Variants in GABRR2 observed in about 807,000 individuals in gnomAD.
The protein encoded by GABRR2 is gamma-aminobutyric acid type A receptor subunit rho2.
Under a neutral mutation model 47.0 loss-of-function variants are expected in GABRR2, and 36 were observed. The observed-to-expected ratio is 0.77, with a 90% confidence interval of 0.59 to 1.01. GABRR2 has a LOEUF of 1.01. Among genes scored for constraint, GABRR2 ranks in the 50% least tolerant of loss-of-function variants. The pLI is 0.00. For missense variants in GABRR2, 587 were observed against 594.6 expected, an observed-to-expected ratio of 0.99 and a Z score of 0.13; for synonymous variants, 204 against 227.5, an observed-to-expected ratio of 0.90 and a Z score of 0.93.
At chr6:89,278,403 C>T (rs1774202940) in intron 2 of GABRR2, among the ~76,000 whole-genome samples, 1 of 152,164 alleles carries the variant, frequency 6.6e-6, no homozygotes, top group Non-Finnish European at 1.5e-5. Flanking sequence ...ACTTGTTTAG[C>T]GTCCTTTTCT....
intron 2 of GABRR2, among the ~76,000 whole-genome samples, chr6:89,286,311 C>G (rs1460162056): frequency 1.3e-5 from 2 of 152,106 alleles, no homozygotes; most frequent in Non-Finnish European, 2.9e-5. Flanking sequence ...TTCAGTTACG[C>G]AAGGTGAGTA....
At chr6:89,275,207 C>A (rs1206699212) in intron 2 of GABRR2, among the ~76,000 whole-genome samples, 1 of 152,092 alleles carries the variant, frequency 6.6e-6, no homozygotes, top group African/African-American at 2.4e-5. Context: ...CCAGTAATAG[C>A]AAGCTAAGTA....
At chr6:89,262,279 C>T (rs138576577) in intron 8 of GABRR2, among the ~76,000 whole-genome samples, 9 of 152,262 alleles carry the variant, frequency 5.9e-5, no homozygotes, top group East Asian at 1.9e-4. Flanking sequence ...GTTAAGTCTC[C>T]GCCCCAGGGT....
At position 89,276,270 on chromosome 6, in the gene GABRR2, T is replaced by A. The variant is rs182104396; in HGVS notation, c.221-4548A>T. ...AAACAGATCCATAGGGGTCTTTGGA[T>A]ACTGAAATAAGATAGACTTTAAAAT... is the stretch of plus-strand genomic sequence containing the variant. On this transcript the variant is annotated intron_variant, in intron 2 of 8. Transcript: ENST00000402938. Among the ~76,000 whole-genome samples the A allele has an allele frequency of 3.6e-3, 542 of 151,416 alleles. 3 individuals carry two copies. Among genetic ancestry groups the A allele is most frequent in the African/African-American group, 0.011 (471 of 41,454 alleles).
At chr6:89,303,205 C>T (rs1455002039) in intron 1 of GABRR2, 8 of 375,688 alleles carry the variant, frequency 2.1e-5, no homozygotes, top group Admixed American at 1.5e-4. Context: ...TCGACACTGT[C>T]CCCAGCTTTC....
rs114409417 is a variant in GABRR2 at position 89,281,057 on chromosome 6, C to T, written c.221-9335G>A. Reference sequence around the variant, plus strand: ...GGTCACGATATTTAAAGAAATAGATCCACATCAGAGATGAATTTGAATAAG... The same window carrying T: ...GGTCACGATATTTAAAGAAATAGATTCACATCAGAGATGAATTTGAATAAG... On this transcript the variant is annotated intron_variant, in intron 2 of 8. Coordinates refer to ENST00000402938, the MANE Select transcript of GABRR2 (RefSeq NM_002043.5). Among the ~76,000 whole-genome samples the T allele has an allele frequency of 2.9e-3, 444 of 152,348 alleles. 1 individual carries two copies. The highest frequency in any genetic ancestry group is 0.01 in the African/African-American group (429 of 41,578).
intron 2 of GABRR2, among the ~76,000 whole-genome samples, chr6:89,290,470 T>G (rs1774417118): frequency 6.6e-6 from 1 of 152,172 alleles, no homozygotes; most frequent in Admixed American, 6.5e-5. Context: ...AAAAGAGGCA[T>G]GCACAGGCCC....
chr6:89,289,799 C>T (rs1024601883), intron 2 of GABRR2, among the ~76,000 whole-genome samples: 3 of 152,214 alleles, frequency 2.0e-5, no homozygotes, highest in African/African-American at 7.2e-5. Flanking sequence ...AAAAGAAGTA[C>T]ATTTAGCTCA....
At chr6:89,259,772 G>C (rs1445083701) in intron 8 of GABRR2, among the ~76,000 whole-genome samples, 1 of 151,970 alleles carries the variant, frequency 6.6e-6, no homozygotes, top group African/African-American at 2.4e-5. Flanking sequence ...CTGAAGTGCT[G>C]GGATTACAGG....
rs117386239 is a variant in GABRR2 at position 89,302,278 on chromosome 6, C to T, written c.114-2413G>A. On this transcript the variant is annotated intron_variant, in intron 1 of 8. Transcript: ENST00000402938. ...ATCCCAACTGCATCATGAACACCTTCAGCGTAGTGCCCTCGCCCAAGGTGT... is the reference window on the plus strand; with the variant it reads ...ATCCCAACTGCATCATGAACACCTTTAGCGTAGTGCCCTCGCCCAAGGTGT... The T allele has an allele frequency of 8.8e-5, 50 of 566,188 alleles. No individual in the cohort carries two copies. The East Asian group carries it at 2.3e-3, about 26-fold the overall frequency. 35.1% of individuals were successfully genotyped at this position (566,188 alleles called of 1,614,324 possible).
intron 4 of GABRR2, among the ~76,000 whole-genome samples, 194 bp downstream of exon 4, chr6:89,268,817 C>A (rs536484497): frequency 6.6e-6 from 1 of 152,164 alleles, no homozygotes; most frequent in African/African-American, 2.4e-5. Context: ...AAGCTTAAGA[C>A]CCCCAGTGAT....
intron 2 of GABRR2, among the ~76,000 whole-genome samples, chr6:89,272,515 G>C (rs983569208): frequency 4.6e-5 from 7 of 152,214 alleles, no homozygotes; most frequent in African/African-American, 1.7e-4. Flanking sequence ...TTATGCTTTA[G>C]TAAAATGTTT....
At chr6:89,271,871 G>C in intron 2 of GABRR2, 149 bp from the exon 3 acceptor site, 1 of 648,378 alleles carries the variant, frequency 1.5e-6, no homozygotes, top group Non-Finnish European at 2.8e-6. Context: ...GCTGGTTCCT[G>C]ACCTGTTGGG....
intron 6 of GABRR2, 123 bp from the exon 7 acceptor site, chr6:89,265,888 C>G: frequency 1.1e-6 from 1 of 914,714 alleles, no homozygotes; most frequent in Non-Finnish European, 1.7e-6. Context: ...AATTAATGAC[C>G]AGTTGGCTTA....
In GABRR2 at chr6:89,294,584, G is replaced by A. The variant is rs375260540; in HGVS notation, c.220+5175C>T. On this transcript the variant is annotated intron_variant, in intron 2 of 8. Transcript: ENST00000402938. ...AAATGACCTGCTTAGTATGGTGGGC[G>A]CTACTGGAAGGGGGTGTTAGGCTGA... Among the ~76,000 whole-genome samples, 18 of 152,004 alleles carry A rather than the reference G, an allele frequency of 1.2e-4. No homozygotes were observed. The East Asian group carries it at 1.4e-3, about 11-fold the overall frequency.
chr6:89,284,243 G>A (rs933423068), intron 2 of GABRR2, among the ~76,000 whole-genome samples: 1 of 152,096 alleles, frequency 6.6e-6, no homozygotes. Flanking sequence ...TCTGCATAGT[G>A]TTTTCAAGGG....
In GABRR2 at chr6:89,265,698, T is replaced by C; in HGVS notation, c.804A>G (p.Thr268=). 4.3e-6 allele frequency: 7 copies of C among 1,613,930 alleles called. No homozygotes were observed. The highest frequency in any genetic ancestry group is 5.1e-6 in the Non-Finnish European group (6 of 1,179,980). The change falls in exon 7 of 9, where the codon ACA becomes ACG. Residue 268 remains threonine (T), a synonymous_variant. Transcript: ENST00000402938. ...RRHIFFFLLQ[T]YFPATLMVML... is the part of the protein sequence containing the mutation. The stretch of plus-strand genomic sequence containing the variant: ...TGACCATCAGAGTGGCAGGGAAATA[T>C]GTTTGGAGCAAGAAGAAGAAGATGT...
chr6:89,267,546 G>C (rs967129648), intron 6 of GABRR2, 133 bp downstream of exon 6: 132 of 866,396 alleles, frequency 1.5e-4, no homozygotes, highest in Non-Finnish European at 2.1e-4. Flanking sequence ...CAGCTTGGGA[G>C]ACAGAGTGAG....
chr6:89,290,378 C>T (rs548898682), intron 2 of GABRR2, among the ~76,000 whole-genome samples: 34 of 152,342 alleles, frequency 2.2e-4, no homozygotes, highest in Admixed American at 2.0e-4. Context: ...ATTCACTCCC[C>T]TTGAAACAGC....
Sources: allele counts gnomAD v4.1 joint callset (sites outside exome capture counted in the v4.1 genomes callset), GRCh38; gene constraint gnomAD v4.1.1; transcripts MANE v1.5; gene names NCBI Gene and HGNC (gene_info 2026-07-23, HGNC 2026-07-21).